ITPR2: variants seen among roughly 807,000 people sequenced by gnomAD.
ITPR2 encodes the protein inositol 1,4,5-trisphosphate-gated calcium channel ITPR2.
ITPR2 carries 207 observed loss-of-function variants against 317.1 expected under a neutral mutation model. That is an observed-to-expected ratio of 0.65 (90% CI 0.58 to 0.73). The LOEUF is 0.73. Among genes scored for constraint, ITPR2 ranks in the 30% least tolerant of loss-of-function variants. The pLI is 0.00. For synonymous variants in ITPR2, 1,156 were observed against 1,149.1 expected (o/e 1.01, Z -0.12); for missense variants, 2,613 against 3,284.0 (o/e 0.80, Z 4.99).
intron 32 of ITPR2, among the ~76,000 whole-genome samples, chr12:26,590,566 T>C (rs1331889597): frequency 6.6e-6 from 1 of 152,142 alleles, no homozygotes; most frequent in Non-Finnish European, 1.5e-5. Context: ...TGAATATCCA[T>C]AAGCAGAAGA....
chr12:26,549,365 T>C (rs1457044986), intron 37 of ITPR2, among the ~76,000 whole-genome samples: 1 of 152,180 alleles, frequency 6.6e-6, no homozygotes, highest in African/African-American at 2.4e-5. Context: ...AATATCTAAG[T>C]TTCCATTGCA....
At position 26,657,781 on chromosome 12, in the gene ITPR2, G is replaced by A. The variant is rs1454753456; in HGVS notation, c.2118C>T (p.Gly706=). ...YWIDSNKEPH[G]KAIRHLAQEA... is the part of the protein sequence containing the mutation. The stretch of plus-strand genomic sequence containing the variant: ...CTTGAGCAAGGTGCCTGATAGCTTT[G>A]CCATGAGGTTCCTTGTTGCTGTCAA... Residue 706 remains glycine, a synonymous_variant, in exon 18 of 57, where the codon GGC becomes GGT. Transcript: ENST00000381340. 1 of 1,614,120 alleles carries A rather than the reference G, an allele frequency of 6.2e-7. No individual in the cohort carries two copies.
At chr12:26,764,661 C>T (rs1949689690) in intron 2 of ITPR2, among the ~76,000 whole-genome samples, 1 of 151,682 alleles carries the variant, frequency 6.6e-6, no homozygotes, top group Non-Finnish European at 1.5e-5. Context: ...GGTTAATATC[C>T]TAACTATCAG....
intron 34 of ITPR2, among the ~76,000 whole-genome samples, chr12:26,573,560 G>A (rs1227098929): frequency 1.3e-5 from 2 of 152,136 alleles, no homozygotes; most frequent in Non-Finnish European, 2.9e-5. Flanking sequence ...AGATGATAAG[G>A]AGCAGGAAGA....
At chr12:26,590,546 C>A (rs561191459) in intron 32 of ITPR2, among the ~76,000 whole-genome samples, 1 of 152,060 alleles carries the variant, frequency 6.6e-6, no homozygotes, top group Non-Finnish European at 1.5e-5. Context: ...ATAAATAGTG[C>A]GAGGAAAACT....
At chr12:26,805,359 T>C (rs1015724169) in intron 1 of ITPR2, among the ~76,000 whole-genome samples, 1 of 152,214 alleles carries the variant, frequency 6.6e-6, no homozygotes, top group Non-Finnish European at 1.5e-5. Flanking sequence ...AGGTTAGCCA[T>C]CATTATCATC....
chr12:26,754,464 A>C (rs1949485262), intron 2 of ITPR2, among the ~76,000 whole-genome samples: 1 of 152,240 alleles, frequency 6.6e-6, no homozygotes, highest in South Asian at 2.1e-4. Context: ...GTTTTCATCA[A>C]AAGTAAAAGT....
At chr12:26,624,722 T>C (rs1946581176) in intron 23 of ITPR2, among the ~76,000 whole-genome samples, 1 of 151,742 alleles carries the variant, frequency 6.6e-6, no homozygotes, top group Admixed American at 6.6e-5. Context: ...TCATACACTG[T>C]TGGTGGGAAT....
intron 41 of ITPR2, among the ~76,000 whole-genome samples, chr12:26,484,716 AT>A (rs957680243): frequency 4.0e-5 from 6 of 150,634 alleles, no homozygotes; most frequent in African/African-American, 1.2e-4. Flanking sequence ...ATAAAATACG[AT>A]TTTTTTTTTC....
intron 48 of ITPR2, among the ~76,000 whole-genome samples, chr12:26,433,370 T>C (rs1445249393): frequency 6.6e-6 from 1 of 152,190 alleles, no homozygotes; most frequent in Non-Finnish European, 1.5e-5. Flanking sequence ...CAGCCTTGTG[T>C]TCGTTAGTCC....
rs529285521 is a variant in ITPR2 at position 26,686,735 on chromosome 12, G to A, written c.997-103C>T. 79 of 983,978 alleles carry A rather than the reference G, an allele frequency of 8.0e-5. No individual in the cohort carries two copies. The South Asian group carries it at 1.4e-3, about 17-fold the overall frequency. 61.0% of individuals were successfully genotyped at this position (983,978 alleles called of 1,614,324 possible). A position where few individuals can be genotyped will look rare whatever the true frequency, so the allele number is the denominator to read the frequency against. ...AAATGTGCATGTTATTTCTTCCTTG[G>A]ATTGAAGAGGTGTCTATTTCACATC... On this transcript the variant is annotated intron_variant, in intron 10 of 56. Transcript: ENST00000381340.
intron 46 of ITPR2, among the ~76,000 whole-genome samples, chr12:26,440,186 G>T (rs1941451702): frequency 6.6e-6 from 1 of 152,032 alleles, no homozygotes; most frequent in South Asian, 2.1e-4. Context: ...TTTGCTTCTT[G>T]GTAAAGGCAG....
At chr12:26,755,055 TG>T (rs1949496013) in intron 2 of ITPR2, among the ~76,000 whole-genome samples, 1 of 152,226 alleles carries the variant, frequency 6.6e-6, no homozygotes, top group Non-Finnish European at 1.5e-5. Flanking sequence ...GGGCTGTATT[TG>T]CATAAATGTG....
intron 50 of ITPR2, among the ~76,000 whole-genome samples, chr12:26,418,198 T>C (rs1940782885): frequency 6.6e-6 from 1 of 152,172 alleles, no homozygotes; most frequent in Non-Finnish European, 1.5e-5. Context: ...GGTGCTGGAT[T>C]TGTCCCTCAT....
At chr12:26,490,150 A>G (rs1461483792) in intron 39 of ITPR2, among the ~76,000 whole-genome samples, 1 of 152,250 alleles carries the variant, frequency 6.6e-6, no homozygotes, top group Non-Finnish European at 1.5e-5. Context: ...CTGTAGACAT[A>G]AAGAATAGGA....
rs1452193886 is a variant in ITPR2 at position 26,686,571 on chromosome 12, G to C, written c.1058C>G (p.Thr353Ser). The C allele has an allele frequency of 6.2e-7, 1 of 1,612,758 alleles. No individual in the cohort carries two copies. Among genetic ancestry groups the C allele is most frequent in the Admixed American group, 1.7e-5 (1 of 59,882 alleles). Reference sequence around the variant, plus strand: ...ATTGCCATGCGGGACTGAAACCAAAGTATACATGATCTTCTCCCCTGCCTG... The same window carrying C: ...ATTGCCATGCGGGACTGAAACCAAACTATACATGATCTTCTCCCCTGCCTG... ...KRQAGEKIMY[T>S]LVSVPHGNDI... The change falls in exon 11 of 57, where the codon ACT (threonine) becomes AGT (serine). Residue 353 changes from threonine to serine, a missense_variant. This residue lies in a region of ITPR2 where 515 missense variants were observed against 789.4 expected (regional missense o/e 0.65). Transcript: ENST00000381340.
intron 54 of ITPR2, 133 bp from the exon 55 acceptor site, chr12:26,387,727 T>C: frequency 1.3e-6 from 1 of 784,422 alleles, no homozygotes; most frequent in Non-Finnish European, 2.0e-6. Context: ...TAAAATGCTA[T>C]GATTAAAAAC....
At chr12:26,816,830 G>C (rs1245707256) in intron 1 of ITPR2, among the ~76,000 whole-genome samples, 1 of 151,974 alleles carries the variant, frequency 6.6e-6, no homozygotes, top group African/African-American at 2.4e-5. Flanking sequence ...GAGGTGTGCA[G>C]GTAAGATGGG....
In ITPR2 at chr12:26,439,285, A is replaced by C. The variant is rs773720643; in HGVS notation, c.6485T>G (p.Val2162Gly). 1 of 1,610,242 alleles carries C rather than the reference A, an allele frequency of 6.2e-7. No homozygotes were observed. The highest frequency in any genetic ancestry group is 1.7e-5 in the Admixed American group (1 of 59,236). The change falls in exon 47 of 57, where the codon GTT becomes GGT. Residue 2162 changes from valine to glycine, a missense_variant. Physicochemically the swap from Val to Gly is moderately radical, Grantham distance 109. Transcript: ENST00000381340. ...TTCACATATATTGGGGACAGGAAAAACTATTTGTTCCATGGTCCTATCATG... is the reference window on the plus strand; with the variant it reads ...TTCACATATATTGGGGACAGGAAAACCTATTTGTTCCATGGTCCTATCATG... The part of the protein sequence containing the change: ...VRHDRTMEQI[V>G]FPVPNICEYL...
Sources: allele counts gnomAD v4.1 joint callset (sites outside exome capture counted in the v4.1 genomes callset), GRCh38; gene constraint gnomAD v4.1.1; regional missense constraint gnomAD v4.1.1; transcripts MANE v1.5; gene names NCBI Gene and HGNC (gene_info 2026-07-23, HGNC 2026-07-21).